Variants in DENND4A observed in about 807,000 individuals in gnomAD.
DENND4A encodes the protein C-myc promoter-binding protein.
In DENND4A, 70 loss-of-function variants were observed where a neutral mutation model predicts 199.3. The observed-to-expected ratio is 0.35, with a 90% confidence interval of 0.29 to 0.43. DENND4A has a LOEUF of 0.43. DENND4A is among the 20% of genes least tolerant of loss of function. The probability of loss-of-function intolerance (pLI) is 1.00; values close to 1 mark genes in which losing one functional copy is unlikely to be tolerated. For synonymous variants in DENND4A, 686 were observed against 766.9 expected (o/e 0.89, Z 1.74); for missense variants, 1,723 against 2,255.8 (o/e 0.76, Z 4.78).
chr15:65,719,974 A>G lies in DENND4A; in HGVS notation c.1589-1978T>C, dbSNP rs770539891. Among the ~76,000 whole-genome samples, 6 of 152,320 alleles carry G rather than the reference A, an allele frequency of 3.9e-5. No homozygotes were observed. The South Asian group carries it at 1.2e-3, about 32-fold the overall frequency. Reference sequence around the variant, plus strand: ...AAACCCACACCATGGACAATTCTACAATGGTAAGTATAATCTTCAAAGATG... The same window carrying G: ...AAACCCACACCATGGACAATTCTACGATGGTAAGTATAATCTTCAAAGATG... On this transcript the variant is annotated intron_variant, in intron 12 of 32. Coordinates refer to ENST00000443035, the MANE Select transcript of DENND4A (RefSeq NM_001320835.1).
chr15:65,749,681 C>T (rs117915837), intron 4 of DENND4A, among the ~76,000 whole-genome samples: 1 of 151,588 alleles, frequency 6.6e-6, no homozygotes, highest in East Asian at 1.9e-4. Context: ...CCACAATAAG[C>T]AAAGAAATGC....
chr15:65,753,665 T>G (rs1485923791), intron 3 of DENND4A, among the ~76,000 whole-genome samples: 2 of 152,092 alleles, frequency 1.3e-5, no homozygotes, highest in Non-Finnish European at 2.9e-5. Context: ...AGCTACAAAT[T>G]AAATATGTTT....
intron 7 of DENND4A, among the ~76,000 whole-genome samples, chr15:65,736,202 A>G (rs1051390509): frequency 9.2e-5 from 14 of 152,212 alleles, no homozygotes; most frequent in Non-Finnish European, 2.1e-4. Flanking sequence ...ACAATGCTAC[A>G]AAATAATGCA....
chr15:65,771,422 A>C, intron 1 of DENND4A: 2 of 1,589,686 alleles, frequency 1.3e-6, no homozygotes, highest in East Asian at 2.2e-5. Context: ...GACATAATAA[A>C]CACCACCCAA....
At chr15:65,690,290 AC>A (rs34408949) in intron 23 of DENND4A, 124 bp downstream of exon 23, 198,277 of 988,296 alleles carry the variant, frequency 0.2, 25,767 homozygotes, top group East Asian at 0.7. Context: ...TACAAAACTT[AC>A]ATACCCAATG....
chr15:65,701,409 A>G (rs1454263827), intron 18 of DENND4A, among the ~76,000 whole-genome samples: 1 of 152,124 alleles, frequency 6.6e-6, no homozygotes, highest in East Asian at 1.9e-4. Context: ...TCTCCAAAAA[A>G]TATGAAAATT....
chr15:65,701,600 T>C (rs1251570054), intron 18 of DENND4A, among the ~76,000 whole-genome samples, 162 bp downstream of exon 18: 4 of 152,072 alleles, frequency 2.6e-5, no homozygotes, highest in Non-Finnish European at 5.9e-5. Flanking sequence ...TCAAAGTAGA[T>C]TGTATAACAT....
chr15:65,730,940 A>G (rs1359776632), intron 9 of DENND4A, among the ~76,000 whole-genome samples: 1 of 152,194 alleles, frequency 6.6e-6, no homozygotes, highest in East Asian at 1.9e-4. Flanking sequence ...ATTTAGAGTG[A>G]CATACATAGT....
Position 65,660,303 on chromosome 15 carries a change from G to A in DENND4A, c.*1548C>T, listed in dbSNP as rs1195926315. 2.0e-6 allele frequency: 3 copies of A among 1,535,258 alleles called. No homozygotes were observed. The highest frequency in any genetic ancestry group is 2.6e-6 in the Non-Finnish European group (3 of 1,146,538). ...GAGTTGGAAGCTGTGAAATGTTTCAGCATGGTGCTATTCACTAATGGTGTG... is the reference window on the plus strand; with the variant it reads ...GAGTTGGAAGCTGTGAAATGTTTCAACATGGTGCTATTCACTAATGGTGTG... On this transcript the variant is annotated 3_prime_UTR_variant, in exon 33 of 33. Transcript: ENST00000443035.
chr15:65,745,971 CA>C (rs1036580868), intron 4 of DENND4A, among the ~76,000 whole-genome samples: 255 of 137,444 alleles, frequency 1.9e-3, no homozygotes, highest in East Asian at 5.3e-3. Flanking sequence ...CCGTCTCTAC[CA>C]AAAAAAAAAA....
Position 65,661,999 on chromosome 15 carries a change from G to A in DENND4A, c.5588-12C>T. On this transcript the variant is annotated splice_polypyrimidine_tract_variant and intron_variant, in intron 32 of 32. Coordinates refer to ENST00000443035, the MANE Select transcript of DENND4A (RefSeq NM_001320835.1). The stretch of plus-strand genomic sequence containing the variant: ...TTTATCAAAAGCATCTGCAGAAATT[G>A]ATAAAGAAATAAAAGAATAAAGAAA... 6.3e-7 allele frequency: 1 copy of A among 1,597,836 alleles called. No individual in the cohort carries two copies. Among genetic ancestry groups the A allele is most frequent in the Non-Finnish European group, 8.5e-7 (1 of 1,173,368 alleles).
chr15:65,735,350 C>T (rs2140426413), intron 7 of DENND4A, among the ~76,000 whole-genome samples: 1 of 152,266 alleles, frequency 6.6e-6, no homozygotes, highest in Admixed American at 6.5e-5. Flanking sequence ...TATACTCCAG[C>T]CTGGGCGACA....
intron 7 of DENND4A, among the ~76,000 whole-genome samples, chr15:65,735,133 T>C (rs2076076668): frequency 6.6e-6 from 1 of 151,692 alleles, no homozygotes; most frequent in African/African-American, 2.4e-5. Flanking sequence ...ATCTCAGCAC[T>C]TCGGGAGGCC....
At position 65,792,269 on chromosome 15, in the gene DENND4A, C is replaced by A. The variant is rs1193495005; in HGVS notation, c.-361G>T. ...TCTCCGACTCTAGCCTCCGCGGCCA[C>A]CGCGACCGGCGCCATCTTGGCAATG... On this transcript the variant is annotated 5_prime_UTR_variant, in exon 1 of 33. Transcript: ENST00000443035. 6.6e-6 allele frequency: 1 copy of A among 152,502 alleles called. No homozygotes were observed. Among genetic ancestry groups the A allele is most frequent in the East Asian group, 1.9e-4 (1 of 5,192 alleles). The allele number at this position is 152,502 out of a possible 1,614,324, so 9.4% of individuals were successfully genotyped here. A position where few individuals can be genotyped will look rare whatever the true frequency, so the allele number is the denominator to read the frequency against.
Position 65,685,107 on chromosome 15 carries a change from A to C in DENND4A, c.4179+5308T>G, listed in dbSNP as rs367912091. Among the ~76,000 whole-genome samples, 4 of 151,064 alleles carry C rather than the reference A, an allele frequency of 2.6e-5. No individual in the cohort carries two copies. The East Asian group carries it at 7.8e-4, about 30-fold the overall frequency. ...CTCCCAAAGTTCTCAGATTACAGGC[A>C]TGAGCCACCACGCCCCGCCCACAAT... On this transcript the variant is annotated intron_variant, in intron 23 of 32. Coordinates refer to ENST00000443035, the MANE Select transcript of DENND4A (RefSeq NM_001320835.1).
chr15:65,792,053 G>C lies in DENND4A; in HGVS notation c.-145C>G, dbSNP rs2077748454. Reference sequence around the variant, plus strand: ...GCGAGCAGCGGATCGAGCTCGGAGAGCGGCGCCGGAATCCCGCACGCGCGG... The same window carrying C: ...GCGAGCAGCGGATCGAGCTCGGAGACCGGCGCCGGAATCCCGCACGCGCGG... On this transcript the variant is annotated 5_prime_UTR_variant, in exon 1 of 33. Coordinates refer to ENST00000443035, the MANE Select transcript of DENND4A (RefSeq NM_001320835.1). The C allele has an allele frequency of 1.3e-5, 2 of 152,376 alleles. No homozygotes were observed. Among genetic ancestry groups the C allele is most frequent in the African/African-American group, 4.8e-5 (2 of 41,468 alleles). 9.4% of individuals were successfully genotyped at this position (152,376 alleles called of 1,614,324 possible).
intron 11 of DENND4A, among the ~76,000 whole-genome samples, chr15:65,724,851 T>TA (rs1307897771): frequency 1.3e-5 from 2 of 152,230 alleles, no homozygotes; most frequent in Admixed American, 1.3e-4. Flanking sequence ...CACTGTGTCT[T>TA]ACCATTCACT....
At chr15:65,762,987 A>G (rs538278758) in intron 1 of DENND4A, among the ~76,000 whole-genome samples, 1 of 152,330 alleles carries the variant, frequency 6.6e-6, no homozygotes, top group South Asian at 2.1e-4. Flanking sequence ...ACAGAATTCA[A>G]TATGCCAGTA....
intron 24 of DENND4A, among the ~76,000 whole-genome samples, chr15:65,673,373 AG>A (rs1348876442): frequency 3.3e-5 from 5 of 151,916 alleles, no homozygotes; most frequent in African/African-American, 1.2e-4. Flanking sequence ...TGGGAAGCTG[AG>A]GTGGGATGAT....
Sources: allele counts gnomAD v4.1 joint callset (sites outside exome capture counted in the v4.1 genomes callset), GRCh38; gene constraint gnomAD v4.1.1; transcripts MANE v1.5; gene names NCBI Gene and HGNC (gene_info 2026-07-23, HGNC 2026-07-21).